The following CDC45 variants were observed in gnomAD, a reference collection of about 807,000 sequenced individuals.
The protein encoded by CDC45 is cell division cycle 45, also known as cell division control protein 45 homolog.
In CDC45, 54 loss-of-function variants were observed where a neutral mutation model predicts 77.8. The observed-to-expected ratio is 0.69, with a 90% CI of 0.56 to 0.87. The LOEUF is 0.87. CDC45 is among the 40% of genes least tolerant of loss of function. The pLI is 0.00. For missense variants in CDC45, 649 were observed against 721.6 expected (o/e 0.90, Z 1.15); for synonymous variants, 260 against 272.1 (o/e 0.96, Z 0.44).
At chr22:19,481,364 T>C (rs895499065) in intron 3 of CDC45, among the ~76,000 whole-genome samples, 1 of 152,158 alleles carries the variant, frequency 6.6e-6, no homozygotes, top group Admixed American at 6.5e-5. Context: ...TTTTATTTTA[T>C]TTTGGTTTAT....
intron 13 of CDC45, among the ~76,000 whole-genome samples, chr22:19,512,319 T>G (rs1253036788): frequency 6.6e-6 from 1 of 152,232 alleles, no homozygotes; most frequent in Non-Finnish European, 1.5e-5. Context: ...GCTCTCCAGT[T>G]GCCTGGAGTT....
intron 7 of CDC45, among the ~76,000 whole-genome samples, chr22:19,496,349 G>T (rs2090242582): frequency 6.6e-6 from 1 of 152,228 alleles, no homozygotes; most frequent in South Asian, 2.1e-4. Context: ...CTCTGTGCGA[G>T]AAGATAAAAC....
chr22:19,480,996 T>C lies in CDC45; in HGVS notation c.155T>C (p.Val52Ala). 6.2e-7 allele frequency: 1 copy of C among 1,613,950 alleles called. No homozygotes were observed. The highest frequency in any genetic ancestry group is 1.3e-5 in the African/African-American group (1 of 75,062). The change falls in exon 3 of 19, where the codon GTT becomes GCT. Residue 52 changes from valine to alanine, a missense_variant. Transcript: ENST00000263201. ...CACGTGCAATATACGCTGGTTCCAG[T>C]TTCTGGGTGGCAAGAACTTGAAACT... ...CDHVQYTLVP[V>A]SGWQELETAF...
intron 5 of CDC45, among the ~76,000 whole-genome samples, chr22:19,487,549 A>T (rs1238801922): frequency 6.6e-6 from 1 of 151,472 alleles, no homozygotes; most frequent in Admixed American, 6.6e-5. Flanking sequence ...AAAGAATGAA[A>T]TATTTTTATT....
chr22:19,507,453 G>A lies in CDC45; in HGVS notation c.892G>A (p.Ala298Thr). 1 of 1,614,166 alleles carries A rather than the reference G, an allele frequency of 6.2e-7. No individual in the cohort carries two copies. The highest frequency in any genetic ancestry group is 8.5e-7 in the Non-Finnish European group (1 of 1,180,036). The change falls in exon 11 of 19, where the codon GCC becomes ACC. Residue 298 changes from alanine to threonine, a missense_variant. Physicochemically the swap from Ala to Thr is moderately conservative, Grantham distance 58. Coordinates refer to ENST00000263201, the MANE Select transcript of CDC45 (RefSeq NM_003504.5). ...CCTGTGCAACACCAGCTATACCGCA[G>A]CCAGGTTCAAGCTGTGGTCTGTGCA... ...DSLCNTSYTA[A>T]RFKLWSVHGQ...
intron 17 of CDC45, among the ~76,000 whole-genome samples, chr22:19,518,014 C>G (rs1188936103): frequency 6.6e-6 from 1 of 152,216 alleles, no homozygotes; most frequent in Non-Finnish European, 1.5e-5. Context: ...TCAGCCATCT[C>G]AGAGCTGCCT....
At chr22:19,485,536 C>T (rs907235130) in intron 5 of CDC45, among the ~76,000 whole-genome samples, 1 of 152,164 alleles carries the variant, frequency 6.6e-6, no homozygotes, top group African/African-American at 2.4e-5. Context: ...GCCAAAGGAA[C>T]AGGCAAATGA....
intron 5 of CDC45, among the ~76,000 whole-genome samples, chr22:19,492,776 A>G (rs1284538893): frequency 6.6e-6 from 1 of 152,122 alleles, no homozygotes; most frequent in Non-Finnish European, 1.5e-5. Flanking sequence ...AAGGAGAGTG[A>G]GTGATGCCAG....
At chr22:19,497,831 G>A (rs575776053) in intron 8 of CDC45, among the ~76,000 whole-genome samples, 27 of 152,088 alleles carry the variant, frequency 1.8e-4, no homozygotes, top group Non-Finnish European at 3.2e-4. Context: ...GGGAGGCCGA[G>A]ACAGGAGCAT....
intron 5 of CDC45, among the ~76,000 whole-genome samples, chr22:19,488,875 A>G (rs2090113478): frequency 6.6e-6 from 1 of 152,216 alleles, no homozygotes; most frequent in Non-Finnish European, 1.5e-5. Flanking sequence ...GATCACTTAT[A>G]TACTTTGCCC....
chr22:19,517,304 A>C (rs544375531), intron 17 of CDC45, among the ~76,000 whole-genome samples: 2 of 152,112 alleles, frequency 1.3e-5, no homozygotes, highest in African/African-American at 4.8e-5. Context: ...TGCGCCAGCC[A>C]CCTCTCCACA....
chr22:19,509,365 G>A (rs1280976024), intron 13 of CDC45, among the ~76,000 whole-genome samples: 1 of 152,244 alleles, frequency 6.6e-6, no homozygotes, highest in Non-Finnish European at 1.5e-5. Flanking sequence ...CTCAGAGCCA[G>A]AGTTGGCGTC....
At chr22:19,485,617 G>A (rs117909206) in intron 5 of CDC45, among the ~76,000 whole-genome samples, 1,936 of 152,226 alleles carry the variant, frequency 0.013, 28 homozygotes, top group Non-Finnish European at 0.019. Context: ...AATAATCAGC[G>A]TTTCCTTTTA....
chr22:19,519,621 C>T (rs1933999499), intron 18 of CDC45, among the ~76,000 whole-genome samples: 1 of 151,714 alleles, frequency 6.6e-6, no homozygotes, highest in Non-Finnish European at 1.5e-5. Flanking sequence ...GCGGCTGTGG[C>T]AGATGGGCCC....
intron 5 of CDC45, among the ~76,000 whole-genome samples, chr22:19,488,186 A>G (rs2090102524): frequency 6.6e-6 from 1 of 152,240 alleles, no homozygotes; most frequent in African/African-American, 2.4e-5. Flanking sequence ...AATAAGGAGA[A>G]TAACTAGACT....
intron 10 of CDC45, 25 bp downstream of exon 10, chr22:19,505,506 G>A: frequency 6.2e-7 from 1 of 1,612,814 alleles, no homozygotes; most frequent in Non-Finnish European, 8.5e-7. Context: ...CAGCCTGAGG[G>A]GCACAGGCAG....
In CDC45 at chr22:19,483,975, G is replaced by A. The variant is rs534789113; in HGVS notation, c.456G>A (p.Glu152=). The A allele has an allele frequency of 3.7e-6, 6 of 1,611,544 alleles. No homozygotes were observed. The African/African-American group carries it at 8.0e-5, about 22-fold the overall frequency. Reference sequence around the variant, plus strand: ...CAGGAAATGACAGTGATGGGTCAGAGCCTTCTGAGAAGCGCACACGGTTAG... The same window carrying A: ...CAGGAAATGACAGTGATGGGTCAGAACCTTCTGAGAAGCGCACACGGTTAG... ...EHSGNDSDGS[E]PSEKRTRLEE... The change falls in exon 5 of 19, where the codon GAG becomes GAA. Residue 152 remains glutamate, a synonymous_variant. Coordinates refer to ENST00000263201, the MANE Select transcript of CDC45 (RefSeq NM_003504.5).
chr22:19,516,059 G>A (rs574470222), intron 15 of CDC45, among the ~76,000 whole-genome samples: 131 of 152,188 alleles, frequency 8.6e-4, no homozygotes, highest in African/African-American at 2.9e-3. Context: ...GCGTGCCGGC[G>A]GGGGGGACGA....
At chr22:19,505,625 G>T (rs1933128759) in intron 10 of CDC45, 144 bp downstream of exon 10, 1 of 834,912 alleles carries the variant, frequency 1.2e-6, no homozygotes, top group South Asian at 1.6e-5. Flanking sequence ...AGGGGCTGTG[G>T]TGTGCTACCC....
Sources: gnomAD v4.1 joint callset for allele counts (sites outside exome capture counted in the v4.1 genomes callset) on GRCh38, gnomAD v4.1.1 for gene constraint, MANE v1.5 for transcripts, NCBI Gene and HGNC (gene_info 2026-07-23, HGNC 2026-07-21) for gene names.